PDZRN3: variants seen among roughly 807,000 people sequenced by gnomAD.
PDZRN3 encodes the protein E3 ubiquitin-protein ligase PDZRN3.
In PDZRN3, 38 loss-of-function variants were observed where a neutral mutation model predicts 85.7. That is an observed-to-expected ratio of 0.44 (90% CI 0.34 to 0.58). The LOEUF is 0.58. Ranked by LOEUF, PDZRN3 falls within the 20% of genes least tolerant of loss-of-function variation. The pLI, the probability that PDZRN3 is intolerant of heterozygous loss-of-function variation, is 0.01. For missense variants in PDZRN3, 1,629 were observed against 1,506.4 expected (o/e 1.08, Z -1.35); for synonymous variants, 759 against 638.0 (o/e 1.19, Z -2.86).
rs202119874 is a variant in PDZRN3 at position 73,498,587 on chromosome 3, A to AC, written c.919-94193dup. Among the ~76,000 whole-genome samples the AC allele has an allele frequency of 6.2e-3, 939 of 151,310 alleles. 12 individuals carry two copies. Among genetic ancestry groups the AC allele is most frequent in the African/African-American group, 0.021 (883 of 41,118 alleles). ...TGCTCCAAGCCCACAGTGATTCATAACTTTTTTTTTTTTTTGAGATGGAGT... is the reference window on the plus strand; with the variant it reads ...TGCTCCAAGCCCACAGTGATTCATAACCTTTTTTTTTTTTTTGAGATGGAGT... On this transcript the variant is annotated intron_variant, in intron 3 of 9. Coordinates refer to ENST00000263666, the MANE Select transcript of PDZRN3 (RefSeq NM_015009.3).
At chr3:73,485,300 T>C in intron 3 of PDZRN3, among the ~76,000 whole-genome samples, 1 of 149,518 alleles carries the variant, frequency 6.7e-6, no homozygotes, top group Non-Finnish European at 1.5e-5. Context: ...AATATCAAAA[T>C]AATTTATATT....
chr3:73,413,216 CAT>C (rs1702007556), intron 3 of PDZRN3, among the ~76,000 whole-genome samples: 1 of 152,168 alleles, frequency 6.6e-6, no homozygotes, highest in Non-Finnish European at 1.5e-5. Flanking sequence ...GCGCCTGGCT[CAT>C]AGCACACTCA....
intron 1 of PDZRN3, among the ~76,000 whole-genome samples, chr3:73,621,185 T>C (rs1383021909): frequency 1.3e-5 from 2 of 152,176 alleles, no homozygotes; most frequent in East Asian, 1.9e-4. Context: ...ATCCTTAATA[T>C]AGCTCACATG....
Position 73,443,499 on chromosome 3 carries a change from G to GGGT in PDZRN3, c.919-39105_919-39104insACC, listed in dbSNP as rs1396056221. Among the ~76,000 whole-genome samples, 298 of 44,290 alleles carry GGGT rather than the reference G, an allele frequency of 6.7e-3. 3 individuals are homozygous for GGGT. The highest frequency in any genetic ancestry group is 8.5e-3 in the Middle Eastern group (1 of 118). 29.1% of individuals were successfully genotyped at this position (44,290 alleles called of 152,430 possible). A position where few individuals can be genotyped will look rare whatever the true frequency, so the allele number is the denominator to read the frequency against. On this transcript the variant is annotated intron_variant, in intron 3 of 9. Transcript: ENST00000263666. ...TTTTTCTTTTTTTTTTTTTTTTTTT[G>GGGT]GGGGGGGGACAGCGCTTGCTTTGTC... is the stretch of plus-strand genomic sequence containing the variant.
chr3:73,515,884 A>G (rs1177670794), intron 3 of PDZRN3, among the ~76,000 whole-genome samples: 2 of 152,274 alleles, frequency 1.3e-5, no homozygotes, highest in African/African-American at 4.8e-5. Context: ...AGGCCTATGC[A>G]CATACCTAAA....
At chr3:73,447,656 G>A (rs942420361) in intron 3 of PDZRN3, among the ~76,000 whole-genome samples, 1 of 152,168 alleles carries the variant, frequency 6.6e-6, no homozygotes, top group African/African-American at 2.4e-5. Context: ...ATAGGAGGAC[G>A]TGGAGGTCCA....
At chr3:73,422,733 T>TAC (rs1348614047) in intron 3 of PDZRN3, among the ~76,000 whole-genome samples, 2 of 152,296 alleles carry the variant, frequency 1.3e-5, no homozygotes, top group South Asian at 4.2e-4. Flanking sequence ...GAACAGCCAC[T>TAC]ACTTCCTGTT....
chr3:73,509,483 G>A (rs1461449105), intron 3 of PDZRN3, among the ~76,000 whole-genome samples: 1 of 152,188 alleles, frequency 6.6e-6, no homozygotes, highest in Non-Finnish European at 1.5e-5. Flanking sequence ...TAAAAACAAG[G>A]TCATTGAAAG....
chr3:73,574,224 T>C (rs1198721507), intron 3 of PDZRN3, among the ~76,000 whole-genome samples: 1 of 152,202 alleles, frequency 6.6e-6, no homozygotes, highest in Non-Finnish European at 1.5e-5. Flanking sequence ...CCAAAGGCTG[T>C]CCTCTAAGTA....
intron 3 of PDZRN3, among the ~76,000 whole-genome samples, chr3:73,422,925 C>T (rs1007753060): frequency 6.6e-6 from 1 of 152,054 alleles, no homozygotes; most frequent in Non-Finnish European, 1.5e-5. Context: ...GGAGAAAATA[C>T]CAAGCAAAGG....
intron 3 of PDZRN3, among the ~76,000 whole-genome samples, chr3:73,414,862 T>C (rs1702044568): frequency 6.6e-6 from 1 of 152,210 alleles, no homozygotes; most frequent in Non-Finnish European, 1.5e-5. Flanking sequence ...CTAAAGAGTA[T>C]GGCATGCATT....
chr3:73,563,002 TA>T (rs1559739637), intron 3 of PDZRN3, among the ~76,000 whole-genome samples: 23 of 35,978 alleles, frequency 6.4e-4, no homozygotes, highest in African/African-American at 2.3e-3. Flanking sequence ...TATATATATA[TA>T]TATATATATA....
intron 3 of PDZRN3, among the ~76,000 whole-genome samples, chr3:73,411,524 G>A (rs1701966816): frequency 6.6e-6 from 1 of 152,168 alleles, no homozygotes; most frequent in Admixed American, 6.5e-5. Context: ...AGGAAGAGAA[G>A]CCTTCCTCTA....
At chr3:73,597,960 G>C (rs1258218422) in intron 3 of PDZRN3, among the ~76,000 whole-genome samples, 3 of 152,004 alleles carry the variant, frequency 2.0e-5, no homozygotes, top group Non-Finnish European at 2.9e-5. Flanking sequence ...CAGCTGGCTG[G>C]ACTTACGAAG....
intron 3 of PDZRN3, among the ~76,000 whole-genome samples, chr3:73,490,622 G>A (rs916906206): frequency 1.3e-5 from 2 of 152,182 alleles, no homozygotes; most frequent in African/African-American, 2.4e-5. Flanking sequence ...CAACAAAAAT[G>A]GGGGGTATGG....
intron 4 of PDZRN3, 145 bp downstream of exon 4, chr3:73,404,003 T>A: frequency 1.4e-6 from 1 of 691,206 alleles, no homozygotes; most frequent in South Asian, 2.1e-5. Context: ...ATTCGATTTA[T>A]TGCCTCTATA....
At chr3:73,591,964 A>G (rs555560236) in intron 3 of PDZRN3, among the ~76,000 whole-genome samples, 1 of 152,090 alleles carries the variant, frequency 6.6e-6, no homozygotes, top group Non-Finnish European at 1.5e-5. Flanking sequence ...ATTAGGCAGA[A>G]CTCAGTGCAC....
Position 73,415,082 on chromosome 3 carries a change from A to G in PDZRN3, c.919-10687T>C, listed in dbSNP as rs113318772. On this transcript the variant is annotated intron_variant, in intron 3 of 9. Coordinates refer to ENST00000263666, the MANE Select transcript of PDZRN3 (RefSeq NM_015009.3). ...CTCAGCACACGGCCTGGGGCTGCCA[A>G]TATAGTGGTGGGCAAGACTAGAAAT... is the stretch of plus-strand genomic sequence containing the variant. 2.2e-4 allele frequency among the ~76,000 whole-genome samples: 33 copies of G among 152,336 alleles called. No individual in the cohort carries two copies. In the East Asian group the frequency reaches 5.0e-3, roughly 23 times the overall value.
At chr3:73,528,243 C>T (rs544896033) in intron 3 of PDZRN3, among the ~76,000 whole-genome samples, 16 of 152,196 alleles carry the variant, frequency 1.1e-4, no homozygotes, top group Non-Finnish European at 2.2e-4. Context: ...CCCAGTCCTG[C>T]TTTAACTGGT....
Sources: gnomAD v4.1 joint callset for allele counts (sites outside exome capture counted in the v4.1 genomes callset) on GRCh38, gnomAD v4.1.1 for gene constraint, MANE v1.5 for transcripts, NCBI Gene and HGNC (gene_info 2026-07-23, HGNC 2026-07-21) for gene names.